The following TBC1D22A variants were observed in gnomAD, a reference collection of about 807,000 sequenced individuals.
The protein encoded by TBC1D22A is TBC1 domain family member 22A.
TBC1D22A carries 38 observed loss-of-function variants against 60.2 expected under a neutral mutation model. The observed-to-expected ratio is 0.63, with a 90% CI of 0.49 to 0.83. The LOEUF is 0.83. Among genes scored for constraint, TBC1D22A ranks in the 40% least tolerant of loss-of-function variants. The pLI, the probability that TBC1D22A is intolerant of heterozygous loss-of-function variation, is 0.00. For synonymous variants in TBC1D22A, 302 were observed against 281.7 expected, an observed-to-expected ratio of 1.07 and a Z score of -0.72; for missense variants, 628 against 701.0, an observed-to-expected ratio of 0.90 and a Z score of 1.18.
intron 11 of TBC1D22A, among the ~76,000 whole-genome samples, chr22:47,061,326 C>T (rs551272070): frequency 2.6e-5 from 4 of 152,268 alleles, no homozygotes; most frequent in African/African-American, 9.6e-5. Context: ...GCTTGCTCTC[C>T]CAGAGATGCC....
intron 1 of TBC1D22A, among the ~76,000 whole-genome samples, chr22:46,766,751 T>C (rs907297054): frequency 6.6e-6 from 1 of 152,144 alleles, no homozygotes; most frequent in African/African-American, 2.4e-5. Context: ...TTGGTGTGGA[T>C]GGTCTCGATC....
At chr22:47,169,815 A>T (rs2068360848) in intron 12 of TBC1D22A, among the ~76,000 whole-genome samples, 1 of 152,178 alleles carries the variant, frequency 6.6e-6, no homozygotes, top group African/African-American at 2.4e-5. Context: ...TGTGGCCATT[A>T]ATTGTTTATG....
chr22:47,111,578 A>C lies in TBC1D22A; in HGVS notation c.1400A>C (p.Glu467Ala). ...CAAFLVRWRK[E>A]ILEEKDFQEL... is the part of the protein sequence containing the mutation. ...GCTTTTCTCGTGAGATGGAGGAAGG[A>C]AATACTAGAAGAAAAAGATTTTCAA... The change falls in exon 12 of 13, where the codon GAA becomes GCA. Residue 467 changes from glutamate (E) to alanine (A), a missense_variant. By Grantham distance (107) the Glu-to-Ala change is moderately radical. Coordinates refer to ENST00000337137, the MANE Select transcript of TBC1D22A (RefSeq NM_014346.5). 1 of 1,614,094 alleles carries C rather than the reference A, an allele frequency of 6.2e-7. No individual in the cohort carries two copies. The highest frequency in any genetic ancestry group is 8.5e-7 in the Non-Finnish European group (1 of 1,179,988).
intron 10 of TBC1D22A, among the ~76,000 whole-genome samples, chr22:47,022,238 C>T (rs1482995481): frequency 6.6e-6 from 1 of 152,210 alleles, no homozygotes. Context: ...AGCTGACTCA[C>T]TCTGCTGCTT....
intron 10 of TBC1D22A, among the ~76,000 whole-genome samples, chr22:47,016,186 TG>T (rs1490902469): frequency 2.6e-5 from 4 of 152,302 alleles, no homozygotes; most frequent in Non-Finnish European, 5.9e-5. Flanking sequence ...CCTGAACTCC[TG>T]AGTGCACCCC....
chr22:46,843,382 C>A (rs1602112620), intron 4 of TBC1D22A, among the ~76,000 whole-genome samples: 1 of 152,058 alleles, frequency 6.6e-6, no homozygotes, highest in Admixed American at 6.5e-5. Context: ...GCTGCCCGGC[C>A]GGTGCTGCAG....
intron 12 of TBC1D22A, among the ~76,000 whole-genome samples, chr22:47,162,343 C>T (rs956733187): frequency 1.3e-5 from 2 of 151,920 alleles, no homozygotes; most frequent in African/African-American, 4.8e-5. Context: ...GTCATGTTTT[C>T]ACTTTGTGCG....
At chr22:46,839,552 AT>A (rs1437365532) in intron 4 of TBC1D22A, among the ~76,000 whole-genome samples, 2 of 152,244 alleles carry the variant, frequency 1.3e-5, no homozygotes, top group African/African-American at 4.8e-5. Context: ...GACAATCTCT[AT>A]CAAAATTCCA....
At chr22:46,852,655 C>A (rs1379778964) in intron 4 of TBC1D22A, among the ~76,000 whole-genome samples, 1 of 152,184 alleles carries the variant, frequency 6.6e-6, no homozygotes, top group Admixed American at 6.5e-5. Context: ...TTTCTTGACC[C>A]CTTTGACCAT....
At chr22:47,046,917 G>C (rs12484725) in intron 11 of TBC1D22A, among the ~76,000 whole-genome samples, 12 of 152,226 alleles carry the variant, frequency 7.9e-5, no homozygotes, top group Admixed American at 7.8e-4. Flanking sequence ...TGTAAGAAAG[G>C]CTGGCGGGTC....
intron 11 of TBC1D22A, among the ~76,000 whole-genome samples, chr22:47,046,520 G>C (rs1026829950): frequency 1.3e-4 from 20 of 152,154 alleles, no homozygotes; most frequent in African/African-American, 4.8e-4. Context: ...GCTCACACCT[G>C]GCCCTGTGAA....
At chr22:47,068,945 A>C (rs971809023) in intron 11 of TBC1D22A, among the ~76,000 whole-genome samples, 2 of 152,208 alleles carry the variant, frequency 1.3e-5, no homozygotes, top group Non-Finnish European at 2.9e-5. Context: ...GAATTAGTTT[A>C]ATACGTAATT....
At chr22:46,974,901 C>G (rs1010429958) in intron 9 of TBC1D22A, among the ~76,000 whole-genome samples, 2 of 152,190 alleles carry the variant, frequency 1.3e-5, no homozygotes, top group Non-Finnish European at 2.9e-5. Context: ...TGGGAGTCCC[C>G]TGCACCACAG....
intron 11 of TBC1D22A, among the ~76,000 whole-genome samples, chr22:47,039,906 G>A (rs2062780668): frequency 6.7e-6 from 1 of 149,748 alleles, no homozygotes; most frequent in African/African-American, 2.5e-5. Flanking sequence ...GGCTGGAGCA[G>A]GAGCAAGGCG....
intron 8 of TBC1D22A, among the ~76,000 whole-genome samples, chr22:46,918,077 T>A (rs1257400100): frequency 2.0e-5 from 3 of 152,314 alleles, no homozygotes; most frequent in East Asian, 3.9e-4. Context: ...ATGGCACCAG[T>A]CCCTTGGTTG....
chr22:46,956,816 A>T (rs2073220734), intron 8 of TBC1D22A, among the ~76,000 whole-genome samples: 1 of 152,226 alleles, frequency 6.6e-6, no homozygotes, highest in South Asian at 2.1e-4. Context: ...TGTCTTTCAG[A>T]TGGAGGCTTA....
At chr22:47,116,253 C>G (rs7292596) in intron 12 of TBC1D22A, 2 of 152,230 alleles carry the variant, frequency 1.3e-5, no homozygotes, top group Non-Finnish European at 2.9e-5. Flanking sequence ...GAGCTGGGAC[C>G]GTTGTTTTTA....
chr22:46,841,212 A>G (rs1164928838), intron 4 of TBC1D22A, among the ~76,000 whole-genome samples: 1 of 152,218 alleles, frequency 6.6e-6, no homozygotes, highest in East Asian at 1.9e-4. Context: ...GATGTGATTC[A>G]TGAAGGTGGA....
At chr22:46,846,391 A>C (rs573901995) in intron 4 of TBC1D22A, among the ~76,000 whole-genome samples, 1 of 152,290 alleles carries the variant, frequency 6.6e-6, no homozygotes, top group Admixed American at 6.5e-5. Context: ...CCCTGCAAGC[A>C]GTGTTGAGGT....
Sources: allele counts gnomAD v4.1 joint callset (sites outside exome capture counted in the v4.1 genomes callset), GRCh38; gene constraint gnomAD v4.1.1; transcripts MANE v1.5; gene names NCBI Gene and HGNC (gene_info 2026-07-23, HGNC 2026-07-21).